Variants in OXR1 observed in about 807,000 individuals in gnomAD.
OXR1 encodes oxidation resistance protein 1.
A neutral mutation model predicts 104.6 loss-of-function variants in OXR1; 41 were observed. The observed-to-expected ratio is 0.39, with a 90% CI of 0.31 to 0.51. The LOEUF (loss-of-function observed/expected upper bound fraction) is 0.51. Among genes scored for constraint, OXR1 ranks in the 20% least tolerant of loss-of-function variants. OXR1 has a pLI of 0.77. For missense variants in OXR1, 955 were observed against 1,031.9 expected (o/e 0.93, Z 1.02); for synonymous variants, 348 against 348.4 (o/e 1.00, Z 0.01).
intron 2 of OXR1, among the ~76,000 whole-genome samples, chr8:106,487,417 G>A (rs1344728375): frequency 7.0e-6 from 1 of 143,328 alleles, no homozygotes; most frequent in African/African-American, 2.6e-5. Context: ...TGGGATACAT[G>A]TGATATTTTG....
chr8:106,473,922 A>G (rs1002895190), intron 2 of OXR1, among the ~76,000 whole-genome samples: 24 of 148,154 alleles, frequency 1.6e-4, no homozygotes, highest in African/African-American at 5.4e-4. Context: ...TGTCCAATTT[A>G]AAAGCAAAAG....
chr8:106,526,660 A>G (rs1376176224), intron 3 of OXR1, among the ~76,000 whole-genome samples: 84 of 152,122 alleles, frequency 5.5e-4, no homozygotes, highest in Non-Finnish European at 1.0e-4. Flanking sequence ...CTCCTGCCTC[A>G]GCCTCCCGAG....
chr8:106,589,356 T>TTC (rs1371064046), intron 3 of OXR1, among the ~76,000 whole-genome samples: 68 of 151,446 alleles, frequency 4.5e-4, no homozygotes, highest in East Asian at 1.6e-3. Context: ...TTTTTTTTTT[T>TTC]CCACAGCAGA....
chr8:106,594,371 G>T (rs3110430), intron 3 of OXR1, among the ~76,000 whole-genome samples: 2 of 152,092 alleles, frequency 1.3e-5, no homozygotes, highest in Admixed American at 1.3e-4. Flanking sequence ...TTCATCGTCT[G>T]TTTCCACTGG....
intron 3 of OXR1, among the ~76,000 whole-genome samples, chr8:106,655,524 G>A (rs1402393255): frequency 3.3e-5 from 5 of 152,034 alleles, no homozygotes; most frequent in African/African-American, 1.2e-4. Context: ...GCATGGACAG[G>A]AATAAAGACC....
At chr8:106,701,027 T>C (rs554697070) in intron 7 of OXR1, among the ~76,000 whole-genome samples, 5 of 152,298 alleles carry the variant, frequency 3.3e-5, no homozygotes, top group South Asian at 4.1e-4. Flanking sequence ...TCTTGGATTA[T>C]CCTAGACAAT....
intron 8 of OXR1, among the ~76,000 whole-genome samples, chr8:106,704,587 G>A (rs1484619127): frequency 2.0e-5 from 3 of 151,436 alleles, no homozygotes; most frequent in African/African-American, 7.3e-5. Context: ...TAGTAGAGAC[G>A]GGGTTTCATC....
chr8:106,281,423 G>C (rs904657597), intron 1 of OXR1, among the ~76,000 whole-genome samples: 1 of 152,170 alleles, frequency 6.6e-6, no homozygotes, highest in Non-Finnish European at 1.5e-5. Flanking sequence ...CCACTGTACC[G>C]GTGATCACTG....
intron 1 of OXR1, among the ~76,000 whole-genome samples, chr8:106,270,908 C>T (rs1811773671): frequency 6.6e-6 from 1 of 151,882 alleles, no homozygotes; most frequent in Non-Finnish European, 1.5e-5. Context: ...TCCGGAGGGG[C>T]GAGTGGATTC....
At chr8:106,349,375 T>TA (rs1238306181) in intron 1 of OXR1, among the ~76,000 whole-genome samples, 103 of 152,110 alleles carry the variant, frequency 6.8e-4, no homozygotes, top group African/African-American at 2.4e-3. Context: ...TCAGATGCTT[T>TA]AAAAAATCTG....
chr8:106,447,977 C>T (rs1032587192), intron 2 of OXR1: 24 of 1,534,896 alleles, frequency 1.6e-5, no homozygotes, highest in Non-Finnish European at 2.1e-5. Flanking sequence ...TCAGATCCGC[C>T]CCGGCTCCCA....
intron 2 of OXR1, among the ~76,000 whole-genome samples, chr8:106,400,854 G>T (rs964864913): frequency 1.3e-5 from 2 of 152,034 alleles, no homozygotes; most frequent in Non-Finnish European, 2.9e-5. Flanking sequence ...GATACAACTA[G>T]GTATGTGTTT....
rs950771784 is a variant in OXR1 at position 106,441,208 on chromosome 8, G to A, written c.24-77735G>A. On this transcript the variant is annotated intron_variant, in intron 2 of 16. Transcript: ENST00000517566. ...ATTGCTTGTTTTTGTCAGGTTTGTC[G>A]AAGATCAGATGGTTGTAGATGTATG... is the stretch of plus-strand genomic sequence containing the variant. Among the ~76,000 whole-genome samples, 19 of 152,022 alleles carry A rather than the reference G, an allele frequency of 1.2e-4. No homozygotes were observed. The South Asian group carries it at 2.7e-3, about 22-fold the overall frequency.
intron 3 of OXR1, among the ~76,000 whole-genome samples, chr8:106,672,363 TG>T (rs1186375831): frequency 1.3e-5 from 2 of 150,644 alleles, no homozygotes; most frequent in Non-Finnish European, 2.9e-5. Flanking sequence ...GGCGTGTGCC[TG>T]TAGTCCCAGC....
chr8:106,694,783 A>G (rs1829751212), intron 7 of OXR1, among the ~76,000 whole-genome samples: 1 of 104,508 alleles, frequency 9.6e-6, no homozygotes, highest in Non-Finnish European at 1.9e-5. Flanking sequence ...AAATACATAT[A>G]TATTTAATAG....
intron 7 of OXR1, among the ~76,000 whole-genome samples, chr8:106,698,963 T>A (rs1830334135): frequency 6.6e-6 from 1 of 152,206 alleles, no homozygotes; most frequent in Non-Finnish European, 1.5e-5. Flanking sequence ...AATATTTTTG[T>A]ATTCCTACAT....
At chr8:106,285,030 C>G (rs1038942222) in intron 1 of OXR1, among the ~76,000 whole-genome samples, 1 of 152,076 alleles carries the variant, frequency 6.6e-6, no homozygotes, top group African/African-American at 2.4e-5. Context: ...AGGTTTGTTA[C>G]ATATGTATAC....
chr8:106,463,135 C>G (rs1820997956), intron 2 of OXR1, among the ~76,000 whole-genome samples: 1 of 151,990 alleles, frequency 6.6e-6, no homozygotes, highest in Non-Finnish European at 1.5e-5. Flanking sequence ...AGAAACAGAA[C>G]AGCAAGCCAA....
rs78537915 is a variant in OXR1 at position 106,359,357 on chromosome 8, A to T, written c.-138-119A>T. Reference sequence around the variant, plus strand: ...ACATGTCTTATATTTTAAGAAAAAGATCATATTTTTTGTGTGTATCTTATA... The same window carrying T: ...ACATGTCTTATATTTTAAGAAAAAGTTCATATTTTTTGTGTGTATCTTATA... On this transcript the variant is annotated intron_variant, in intron 1 of 16. Coordinates refer to ENST00000517566, the MANE Select transcript of OXR1 (RefSeq NM_001198533.2). 5.5e-3 allele frequency: 2,197 copies of T among 397,980 alleles called. 37 individuals are homozygous for T. Among genetic ancestry groups the T allele is most frequent in the African/African-American group, 0.04 (1,976 of 49,414 alleles). 24.7% of individuals were successfully genotyped at this position (397,980 alleles called of 1,614,324 possible). A position where few individuals can be genotyped will look rare whatever the true frequency, so the allele number is the denominator to read the frequency against.
Sources: gnomAD v4.1 joint callset for allele counts (sites outside exome capture counted in the v4.1 genomes callset) on GRCh38, gnomAD v4.1.1 for gene constraint, MANE v1.5 for transcripts, NCBI Gene and HGNC (gene_info 2026-07-23, HGNC 2026-07-21) for gene names.